The following ANKS1B variants were observed in gnomAD, a reference collection of about 807,000 sequenced individuals.
ANKS1B encodes the protein ankyrin repeat and sterile alpha motif domain-containing protein 1B.
A neutral mutation model predicts 148.3 loss-of-function variants in ANKS1B; 36 were observed. The ratio of observed to expected loss-of-function variants is 0.24; its 90% CI spans 0.19 to 0.32. ANKS1B has a LOEUF of 0.32. ANKS1B is among the 10% of genes least tolerant of loss of function. The probability of loss-of-function intolerance (pLI) is 1.00; values close to 1 mark genes in which losing one functional copy is unlikely to be tolerated. For synonymous variants in ANKS1B, 542 were observed against 560.8 expected, an observed-to-expected ratio of 0.97 and a Z score of 0.47; for missense variants, 1,157 against 1,542.6, an observed-to-expected ratio of 0.75 and a Z score of 4.19.
chr12:99,730,494 T>G (rs1324399259), intron 8 of ANKS1B, among the ~76,000 whole-genome samples: 2 of 152,180 alleles, frequency 1.3e-5, no homozygotes, highest in Non-Finnish European at 2.9e-5. Context: ...CTTTACAGAC[T>G]AAGGCAAGGA....
intron 1 of ANKS1B, among the ~76,000 whole-genome samples, chr12:99,826,529 T>A (rs1000739066): frequency 6.6e-6 from 1 of 152,152 alleles, no homozygotes; most frequent in Non-Finnish European, 1.5e-5. Flanking sequence ...TAGAGATGAC[T>A]CAGACTTTAG....
intron 9 of ANKS1B, among the ~76,000 whole-genome samples, chr12:99,563,226 A>T (rs2097355515): frequency 6.6e-6 from 1 of 152,184 alleles, no homozygotes; most frequent in Admixed American, 6.6e-5. Flanking sequence ...ATTTTCTTCA[A>T]GAACTTTTCC....
At chr12:99,292,326 CTAAAAATAAAAATAAAAATAAAAA>C (rs60100516) in intron 12 of ANKS1B, among the ~76,000 whole-genome samples, 2 of 139,506 alleles carry the variant, frequency 1.4e-5, no homozygotes, top group Non-Finnish European at 3.0e-5. Context: ...CCCATCTCTA[CTAAAAATAAAAATAAAAATAAAAA>C]TAAAAATAAA....
chr12:99,700,718 G>A (rs1297565620), intron 8 of ANKS1B, among the ~76,000 whole-genome samples: 1 of 152,134 alleles, frequency 6.6e-6, no homozygotes, highest in Non-Finnish European at 1.5e-5. Context: ...AACCACGAAA[G>A]TGAAACCCTG....
intron 1 of ANKS1B, among the ~76,000 whole-genome samples, chr12:99,827,745 A>T (rs941912366): frequency 3.9e-5 from 6 of 152,216 alleles, no homozygotes; most frequent in Admixed American, 1.3e-4. Flanking sequence ...TCACAAACCT[A>T]TATTGACAAG....
rs552634690 is a variant in ANKS1B at position 99,725,635 on chromosome 12, C to G, written c.1128+47287G>C. Among the ~76,000 whole-genome samples, 4 of 152,310 alleles carry G rather than the reference C, an allele frequency of 2.6e-5. No homozygotes were observed. The Middle Eastern group carries it at 0.01, about 389-fold the overall frequency. On this transcript the variant is annotated intron_variant, in intron 8 of 26. Coordinates refer to ENST00000683438, the MANE Select transcript of ANKS1B (RefSeq NM_001352186.2). Reference sequence around the variant, plus strand: ...AACAAGGATATTCAGGACTTAAACTCAGCTCTGGATCAAGTGGACCTAAAA... The same window carrying G: ...AACAAGGATATTCAGGACTTAAACTGAGCTCTGGATCAAGTGGACCTAAAA...
At chr12:99,141,478 T>G (rs186222544) in intron 15 of ANKS1B, among the ~76,000 whole-genome samples, 2 of 151,956 alleles carry the variant, frequency 1.3e-5, no homozygotes, top group East Asian at 3.9e-4. Context: ...GTTTGTTACA[T>G]AGGTAAATGT....
At chr12:99,366,130 C>T (rs979713494) in intron 12 of ANKS1B, among the ~76,000 whole-genome samples, 3 of 152,150 alleles carry the variant, frequency 2.0e-5, no homozygotes, top group Non-Finnish European at 4.4e-5. Context: ...CAGCCGGGCT[C>T]TGGGTGGGCT....
At chr12:99,394,069 T>C (rs182499744) in intron 12 of ANKS1B, among the ~76,000 whole-genome samples, 2 of 152,330 alleles carry the variant, frequency 1.3e-5, no homozygotes, top group Admixed American at 1.3e-4. Flanking sequence ...AGGCCTTTAA[T>C]GCTGCCAGGT....
intron 12 of ANKS1B, among the ~76,000 whole-genome samples, chr12:99,302,333 C>G (rs755222115): frequency 3.3e-5 from 5 of 152,138 alleles, no homozygotes; most frequent in Non-Finnish European, 7.4e-5. Flanking sequence ...TTTATGCACT[C>G]TCCTCCCAGG....
At chr12:99,093,984 A>G (rs2153655304) in intron 15 of ANKS1B, among the ~76,000 whole-genome samples, 1 of 152,322 alleles carries the variant, frequency 6.6e-6, no homozygotes, top group East Asian at 1.9e-4. Flanking sequence ...TATTCACTTA[A>G]TCTGGCTGCC....
intron 9 of ANKS1B, among the ~76,000 whole-genome samples, chr12:99,635,098 A>C (rs2098219572): frequency 6.6e-6 from 1 of 152,156 alleles, no homozygotes; most frequent in Non-Finnish European, 1.5e-5. Context: ...ACTATCAAAA[A>C]AGCTAAGTAA....
intron 9 of ANKS1B, among the ~76,000 whole-genome samples, chr12:99,638,313 G>T (rs757873257): frequency 3.3e-5 from 5 of 152,086 alleles, no homozygotes; most frequent in Non-Finnish European, 7.4e-5. Flanking sequence ...AAGATATGGG[G>T]AAGTTTGGAG....
chr12:98,821,287 A>G (rs932485990), intron 19 of ANKS1B, among the ~76,000 whole-genome samples: 2 of 152,250 alleles, frequency 1.3e-5, no homozygotes, highest in African/African-American at 2.4e-5. Flanking sequence ...CCATCAGACA[A>G]TCTCAGAATT....
At chr12:99,369,303 G>A (rs2152460179) in intron 12 of ANKS1B, among the ~76,000 whole-genome samples, 1 of 152,220 alleles carries the variant, frequency 6.6e-6, no homozygotes, top group South Asian at 2.1e-4. Flanking sequence ...AAAAGTACAG[G>A]TATAAAAGGA....
intron 17 of ANKS1B, among the ~76,000 whole-genome samples, chr12:99,005,456 G>A (rs897847432): frequency 2.0e-5 from 3 of 152,204 alleles, no homozygotes; most frequent in Admixed American, 2.0e-4. Flanking sequence ...AAAAGGTTTA[G>A]TCATGGGGTT....
At chr12:99,601,152 C>T (rs1327827469) in intron 9 of ANKS1B, among the ~76,000 whole-genome samples, 1 of 151,972 alleles carries the variant, frequency 6.6e-6, no homozygotes, top group African/African-American at 2.4e-5. Context: ...TGGATGGAGT[C>T]AGCATTTAAT....
intron 15 of ANKS1B, among the ~76,000 whole-genome samples, chr12:99,096,294 A>C (rs1214652550): frequency 6.6e-6 from 1 of 152,132 alleles, no homozygotes; most frequent in East Asian, 1.9e-4. Flanking sequence ...GACTGATAGA[A>C]TATTCCTGAC....
intron 12 of ANKS1B, among the ~76,000 whole-genome samples, chr12:99,304,616 G>A: frequency 6.6e-6 from 1 of 152,080 alleles, no homozygotes; most frequent in East Asian, 1.9e-4. Flanking sequence ...GGGATAAAAT[G>A]AGATATTCTT....
Sources: gnomAD v4.1 joint callset for allele counts (sites outside exome capture counted in the v4.1 genomes callset) on GRCh38, gnomAD v4.1.1 for gene constraint, MANE v1.5 for transcripts, NCBI Gene and HGNC (gene_info 2026-07-23, HGNC 2026-07-21) for gene names.